PITPNC1: variants seen among roughly 807,000 people sequenced by gnomAD.
PITPNC1 encodes cytoplasmic phosphatidylinositol transfer protein 1.
Under a neutral mutation model 44.7 loss-of-function variants are expected in PITPNC1, and 18 were observed. The ratio of observed to expected loss-of-function variants is 0.40; its 90% CI spans 0.28 to 0.60. The LOEUF (loss-of-function observed/expected upper bound fraction) is 0.60. PITPNC1 is among the 20% of genes least tolerant of loss of function. PITPNC1 has a pLI of 0.39. For synonymous variants in PITPNC1, 141 were observed against 149.6 expected (o/e 0.94, Z 0.42); for missense variants, 290 against 418.4 (o/e 0.69, Z 2.68).
At chr17:67,495,318 A>G (rs1027166424) in intron 1 of PITPNC1, among the ~76,000 whole-genome samples, 1 of 151,956 alleles carries the variant, frequency 6.6e-6, no homozygotes, top group Non-Finnish European at 1.5e-5. Flanking sequence ...TCAGCCTCCC[A>G]AAGCGTTGGG....
intron 6 of PITPNC1, among the ~76,000 whole-genome samples, chr17:67,664,096 T>C (rs914514044): frequency 4.6e-5 from 7 of 152,156 alleles, no homozygotes; most frequent in African/African-American, 1.7e-4. Context: ...CCCGAGTACC[T>C]GGGACTACAG....
At chr17:67,659,126 A>G (rs2042308305) in intron 6 of PITPNC1, among the ~76,000 whole-genome samples, 1 of 152,184 alleles carries the variant, frequency 6.6e-6, no homozygotes, top group Admixed American at 6.5e-5. Context: ...ACAAAGCAGC[A>G]TTCATTCTCT....
intron 1 of PITPNC1, among the ~76,000 whole-genome samples, chr17:67,465,401 C>G (rs781174790): frequency 6.6e-6 from 1 of 152,164 alleles, no homozygotes; most frequent in Non-Finnish European, 1.5e-5. Flanking sequence ...GATGGTAGCA[C>G]CGATGTGGAA....
intron 2 of PITPNC1, 91 bp from the exon 3 acceptor site, chr17:67,552,165 CT>C: frequency 1.3e-6 from 1 of 748,030 alleles, no homozygotes; most frequent in East Asian, 2.5e-5. Flanking sequence ...CAGAATCCCC[CT>C]GATTTCTCCA....
At chr17:67,386,940 A>G (rs1222929127) in intron 1 of PITPNC1, among the ~76,000 whole-genome samples, 3 of 152,208 alleles carry the variant, frequency 2.0e-5, no homozygotes, top group Non-Finnish European at 4.4e-5. Flanking sequence ...AATTTTGTAT[A>G]TTCCCAAGTG....
intron 1 of PITPNC1, among the ~76,000 whole-genome samples, chr17:67,462,522 G>A (rs1318535966): frequency 2.1e-5 from 3 of 140,106 alleles, no homozygotes; most frequent in African/African-American, 2.6e-5. Context: ...GTGAGCCACC[G>A]TGCCTGGCTG....
At chr17:67,557,205 G>A (rs2040849790) in intron 4 of PITPNC1, among the ~76,000 whole-genome samples, 1 of 152,168 alleles carries the variant, frequency 6.6e-6, no homozygotes, top group Admixed American at 6.5e-5. Context: ...GGCAGAGACA[G>A]AGCAAGTTCT....
chr17:67,480,533 T>C (rs957760576), intron 1 of PITPNC1, among the ~76,000 whole-genome samples: 3 of 152,224 alleles, frequency 2.0e-5, no homozygotes, highest in Non-Finnish European at 2.9e-5. Flanking sequence ...TGTAATGATA[T>C]ATATGTATTT....
intron 4 of PITPNC1, among the ~76,000 whole-genome samples, chr17:67,576,857 A>G (rs1467552134): frequency 6.6e-6 from 1 of 152,180 alleles, no homozygotes. Flanking sequence ...GCCCAGTATT[A>G]TACATTTTTA....
intron 2 of PITPNC1, among the ~76,000 whole-genome samples, chr17:67,535,188 G>T (rs1426585032): frequency 6.6e-6 from 1 of 152,244 alleles, no homozygotes; most frequent in Non-Finnish European, 1.5e-5. Context: ...AACCAGTTCA[G>T]TGTCCAGCCA....
intron 7 of PITPNC1, among the ~76,000 whole-genome samples, chr17:67,672,185 C>T (rs941104268): frequency 2.6e-5 from 4 of 152,032 alleles, no homozygotes; most frequent in Non-Finnish European, 5.9e-5. Context: ...TTGCCTGCCT[C>T]GGCCTCCCAA....
intron 5 of PITPNC1, among the ~76,000 whole-genome samples, chr17:67,591,215 T>C (rs1420442457): frequency 6.6e-6 from 1 of 152,092 alleles, no homozygotes; most frequent in Non-Finnish European, 1.5e-5. Flanking sequence ...TTCTATAAAA[T>C]AGCTGGCCTG....
intron 6 of PITPNC1, among the ~76,000 whole-genome samples, chr17:67,667,069 C>T (rs1436854431): frequency 6.6e-6 from 1 of 152,168 alleles, no homozygotes; most frequent in African/African-American, 2.4e-5. Context: ...CCAGGTTTCT[C>T]CTGGGAGGGG....
At chr17:67,390,108 A>G (rs560734109) in intron 1 of PITPNC1, among the ~76,000 whole-genome samples, 30 of 152,148 alleles carry the variant, frequency 2.0e-4, no homozygotes, top group African/African-American at 6.0e-4. Flanking sequence ...TGTAAATTGA[A>G]AAGTTACGGT....
At chr17:67,606,519 C>T (rs2041610252) in intron 5 of PITPNC1, among the ~76,000 whole-genome samples, 1 of 152,226 alleles carries the variant, frequency 6.6e-6, no homozygotes, top group African/African-American at 2.4e-5. Context: ...CAGATGCAGG[C>T]CTGAGACCCC....
At chr17:67,630,847 G>A (rs1232926178) in intron 5 of PITPNC1, among the ~76,000 whole-genome samples, 6 of 151,424 alleles carry the variant, frequency 4.0e-5, no homozygotes, top group Non-Finnish European at 7.4e-5. Flanking sequence ...AAGTAGCTGG[G>A]ATTACAGGTG....
chr17:67,403,011 G>A (rs139354431), intron 1 of PITPNC1, among the ~76,000 whole-genome samples: 231 of 152,170 alleles, frequency 1.5e-3, no homozygotes, highest in African/African-American at 5.3e-3. Context: ...TGTATTAACC[G>A]TTCTTCTTAG....
At chr17:67,620,686 G>T (rs1157002351) in intron 5 of PITPNC1, among the ~76,000 whole-genome samples, 2 of 152,094 alleles carry the variant, frequency 1.3e-5, no homozygotes, top group Non-Finnish European at 2.9e-5. Context: ...ACCAGAAAGG[G>T]TTCTCCAGAG....
At chr17:67,605,714 C>T (rs950035540) in intron 5 of PITPNC1, among the ~76,000 whole-genome samples, 13 of 152,284 alleles carry the variant, frequency 8.5e-5, no homozygotes, top group Admixed American at 2.6e-4. Context: ...AGAACCAGTT[C>T]GGAAAACTCT....
Sources: gnomAD v4.1 joint callset for allele counts (sites outside exome capture counted in the v4.1 genomes callset) on GRCh38, gnomAD v4.1.1 for gene constraint, MANE v1.5 for transcripts, NCBI Gene and HGNC (gene_info 2026-07-23, HGNC 2026-07-21) for gene names.